Variants in CECR2 observed in about 807,000 individuals in gnomAD.
CECR2 encodes the protein CECR2 histone acetyl-lysine reader, also known as chromatin remodeling regulator CECR2.
CECR2 carries 30 observed loss-of-function variants against 154.5 expected under a neutral mutation model. The ratio of observed to expected loss-of-function variants is 0.19; its 90% CI spans 0.15 to 0.26. The LOEUF (loss-of-function observed/expected upper bound fraction) is 0.26, where lower values mean the gene tolerates loss of function less well. Ranked by LOEUF, CECR2 falls within the 10% of genes least tolerant of loss-of-function variation. CECR2 has a pLI of 1.00. For missense variants in CECR2, 1,743 were observed against 1,829.3 expected, an observed-to-expected ratio of 0.95 and a Z score of 0.86; for synonymous variants, 725 against 683.7, an observed-to-expected ratio of 1.06 and a Z score of -0.94.
At chr22:17,397,247 C>T (rs928075442) in intron 1 of CECR2, among the ~76,000 whole-genome samples, 4 of 152,078 alleles carry the variant, frequency 2.6e-5, no homozygotes, top group African/African-American at 9.7e-5. Flanking sequence ...AGCGATGATT[C>T]TCCTGCCTCA....
chr22:17,405,681 C>G (rs887857247), intron 1 of CECR2, among the ~76,000 whole-genome samples: 2 of 146,196 alleles, frequency 1.4e-5, no homozygotes, highest in African/African-American at 2.5e-5. Context: ...CAATTGTTTG[C>G]TAGTATTAGA....
chr22:17,396,047 C>T (rs1162068565), intron 1 of CECR2, among the ~76,000 whole-genome samples: 3 of 149,028 alleles, frequency 2.0e-5, no homozygotes, highest in Non-Finnish European at 4.4e-5. Flanking sequence ...GGAGACCAGT[C>T]GGGGCAATAT....
chr22:17,505,219 C>T (rs1229749176), intron 7 of CECR2, among the ~76,000 whole-genome samples: 1 of 152,044 alleles, frequency 6.6e-6, no homozygotes, highest in Non-Finnish European at 1.5e-5. Context: ...CTCCTTCCCC[C>T]AGAAAGTCCT....
Position 17,455,721 on chromosome 22 carries a change from C to A in CECR2, c.127-21867C>A, listed in dbSNP as rs1023203181. The stretch of plus-strand genomic sequence containing the variant: ...CTCCATCTCCTGGGTTCAAGCAATT[C>A]TCCTGCCTCGCTTTCCCCTCGGGAA... On this transcript the variant is annotated intron_variant, in intron 1 of 18. Transcript: ENST00000262608. Among the ~76,000 whole-genome samples, 7 of 152,362 alleles carry A rather than the reference C, an allele frequency of 4.6e-5. 1 individual carries two copies. Among genetic ancestry groups the A allele is most frequent in the South Asian group, 4.1e-4 (2 of 4,830 alleles).
At chr22:17,484,249 G>A (rs921023132) in intron 2 of CECR2, among the ~76,000 whole-genome samples, 1 of 152,088 alleles carries the variant, frequency 6.6e-6, no homozygotes, top group Non-Finnish European at 1.5e-5. Context: ...GAGTGCATTC[G>A]ACCAATCCTA....
chr22:17,406,008 C>T (rs1335307657), intron 1 of CECR2, among the ~76,000 whole-genome samples: 13 of 152,070 alleles, frequency 8.5e-5, no homozygotes, highest in Admixed American at 3.3e-4. Flanking sequence ...TTTAGAAATA[C>T]GAATATATTA....
rs1434589437 is a variant in CECR2, at chr22:17,453,472, A to G, written c.127-24116A>G. 2.0e-5 allele frequency among the ~76,000 whole-genome samples: 3 copies of G among 152,206 alleles called. No individual in the cohort carries two copies. The East Asian group carries it at 5.8e-4, about 29-fold the overall frequency. ...AAAAGAAAAAAGTATGACTGTATTTAGAGTAGTATGTGGATTTGAAAAATT... is the reference window on the plus strand; with the variant it reads ...AAAAGAAAAAAGTATGACTGTATTTGGAGTAGTATGTGGATTTGAAAAATT... On this transcript the variant is annotated intron_variant, in intron 1 of 18. Coordinates refer to ENST00000262608, the MANE Select transcript of CECR2 (RefSeq NM_001290047.2).
At chr22:17,546,883 AC>A (rs1448576535) in intron 16 of CECR2, among the ~76,000 whole-genome samples, 5 of 151,764 alleles carry the variant, frequency 3.3e-5, no homozygotes, top group African/African-American at 1.2e-4. Context: ...TACTAAAAAT[AC>A]AAAAATTAGC....
At chr22:17,434,652 T>A (rs1485672275) in intron 1 of CECR2, among the ~76,000 whole-genome samples, 1 of 123,280 alleles carries the variant, frequency 8.1e-6, no homozygotes, top group Non-Finnish European at 1.7e-5. Flanking sequence ...GCACCCCCCC[T>A]GCTGCTCCCC....
In CECR2 at chr22:17,548,126, CTCTTT is replaced by C. The variant is rs2056642165; in HGVS notation, c.2861-20_2861-16del. The C allele has an allele frequency of 7.2e-7, 1 of 1,396,280 alleles. No individual in the cohort carries two copies. Among genetic ancestry groups the C allele is most frequent in the Non-Finnish European group, 9.6e-7 (1 of 1,046,398 alleles). 86.5% of individuals were successfully genotyped at this position (1,396,280 alleles called of 1,614,324 possible). ...TTCAGCTACTGAGTTATTTTTTCTC[CTCTTT>C]TTTTTTTTTTTTGCAGCAGAGCCGT... On this transcript the variant is annotated splice_polypyrimidine_tract_variant and intron_variant, in intron 16 of 18. Coordinates refer to ENST00000262608, the MANE Select transcript of CECR2 (RefSeq NM_001290047.2).
chr22:17,508,026 A>G (rs1311712972), intron 7 of CECR2, among the ~76,000 whole-genome samples: 1 of 152,212 alleles, frequency 6.6e-6, no homozygotes, highest in Non-Finnish European at 1.5e-5. Flanking sequence ...GTTCTGATAT[A>G]GATATCTTTG....
chr22:17,449,650 C>T (rs377450784), intron 1 of CECR2, among the ~76,000 whole-genome samples: 6 of 152,002 alleles, frequency 3.9e-5, no homozygotes, highest in East Asian at 1.9e-4. Flanking sequence ...CCACCACGCC[C>T]GGCTAATTTT....
At position 17,556,725 on chromosome 22, in the gene CECR2, G is replaced by A. The variant is rs2056775848; in HGVS notation, c.*3885G>A. ...CAGAGAACCTTGGTTTTCATAGAAA[G>A]GAAAGGCTGAAGGTTTTCTAGCATT... On this transcript the variant is annotated 3_prime_UTR_variant, in exon 19 of 19. Transcript: ENST00000262608. The A allele has an allele frequency of 6.6e-6, 1 of 152,220 alleles. No homozygotes were observed. Among genetic ancestry groups the A allele is most frequent in the African/African-American group, 2.4e-5 (1 of 41,442 alleles). 9.4% of individuals were successfully genotyped at this position (152,220 alleles called of 1,614,324 possible).
rs377040407 is a variant in CECR2, at chr22:17,538,501, C to A, written c.1239-19C>A. 232 of 1,612,144 alleles carry A rather than the reference C, an allele frequency of 1.4e-4. 1 individual carries two copies. The highest frequency in any genetic ancestry group is 1.1e-4 in the Non-Finnish European group (131 of 1,178,372). On this transcript the variant is annotated intron_variant, in intron 10 of 18. Coordinates refer to ENST00000262608, the MANE Select transcript of CECR2 (RefSeq NM_001290047.2). Reference sequence around the variant, plus strand: ...AGGTGGTCAGAGTTACTATTAATTTCTTATTTTGTGATTTACAGCTTTGAG... The same window carrying A: ...AGGTGGTCAGAGTTACTATTAATTTATTATTTTGTGATTTACAGCTTTGAG...
intron 1 of CECR2, among the ~76,000 whole-genome samples, chr22:17,381,134 T>G (rs1002416252): frequency 5.3e-5 from 8 of 152,184 alleles, no homozygotes; most frequent in Non-Finnish European, 1.5e-5. Context: ...AGAAAAAATT[T>G]CACCTGTTGT....
intron 1 of CECR2, among the ~76,000 whole-genome samples, chr22:17,451,514 G>T (rs1257487696): frequency 6.6e-6 from 1 of 152,058 alleles, no homozygotes; most frequent in Non-Finnish European, 1.5e-5. Context: ...AATTTAGAAG[G>T]ACTCACATTC....
chr22:17,393,269 AGTATGT>A (rs1304797674), intron 1 of CECR2, among the ~76,000 whole-genome samples: 1 of 152,146 alleles, frequency 6.6e-6, no homozygotes, highest in African/African-American at 2.4e-5. Context: ...AGAATCATGT[AGTATGT>A]GCCCCTTTGT....
intron 1 of CECR2, among the ~76,000 whole-genome samples, chr22:17,374,388 G>A (rs2063094466): frequency 6.6e-6 from 1 of 152,178 alleles, no homozygotes; most frequent in African/African-American, 2.4e-5. Flanking sequence ...TAAACATTAA[G>A]TAATAGAAAT....
intron 5 of CECR2, among the ~76,000 whole-genome samples, chr22:17,501,175 A>G (rs889096658): frequency 6.6e-6 from 1 of 152,196 alleles, no homozygotes; most frequent in Admixed American, 6.5e-5. Flanking sequence ...CAGCTCTATC[A>G]CTAAGCCTAT....
Sources: gnomAD v4.1 joint callset for allele counts (sites outside exome capture counted in the v4.1 genomes callset) on GRCh38, gnomAD v4.1.1 for gene constraint, MANE v1.5 for transcripts, NCBI Gene and HGNC (gene_info 2026-07-23, HGNC 2026-07-21) for gene names.